Variants in CAMK1D observed in about 807,000 individuals in gnomAD.
CAMK1D encodes the protein calcium/calmodulin-dependent protein kinase type 1D.
In CAMK1D, 9 loss-of-function variants were observed where a neutral mutation model predicts 47.7. That is an observed-to-expected ratio of 0.19 (90% CI 0.11 to 0.33). CAMK1D has a LOEUF of 0.33. Among genes scored for constraint, CAMK1D ranks in the 10% least tolerant of loss-of-function variants. The pLI is 1.00. For synonymous variants in CAMK1D, 184 were observed against 184.9 expected, an observed-to-expected ratio of 0.99 and a Z score of 0.04; for missense variants, 291 against 488.7, an observed-to-expected ratio of 0.60 and a Z score of 3.81.
At chr10:12,685,179 T>C (rs551093767) in intron 3 of CAMK1D, among the ~76,000 whole-genome samples, 1 of 152,270 alleles carries the variant, frequency 6.6e-6, no homozygotes, top group African/African-American at 2.4e-5. Context: ...TGCATGCCTG[T>C]AGTCCCAGCT....
chr10:12,429,304 A>G (rs1385831982), intron 1 of CAMK1D, among the ~76,000 whole-genome samples: 1 of 151,940 alleles, frequency 6.6e-6, no homozygotes, highest in East Asian at 1.9e-4. Flanking sequence ...CCTGACCACC[A>G]AATGTCCCAT....
At chr10:12,470,063 G>T (rs1588521479) in intron 1 of CAMK1D, among the ~76,000 whole-genome samples, 1 of 152,144 alleles carries the variant, frequency 6.6e-6, no homozygotes. Context: ...ATGTTCATTT[G>T]TTAATAAACA....
At chr10:12,699,334 G>C (rs1422506504) in intron 3 of CAMK1D, among the ~76,000 whole-genome samples, 1 of 152,048 alleles carries the variant, frequency 6.6e-6, no homozygotes, top group East Asian at 1.9e-4. Context: ...TCTACTTCTT[G>C]GTAGCCATTG....
intron 6 of CAMK1D, among the ~76,000 whole-genome samples, chr10:12,804,804 G>A (rs112438711): frequency 6.7e-6 from 1 of 150,348 alleles, no homozygotes; most frequent in Non-Finnish European, 1.5e-5. Flanking sequence ...CCAGTATGGT[G>A]GTGCACGCCT....
chr10:12,564,053 G>C (rs11257892), intron 2 of CAMK1D, among the ~76,000 whole-genome samples: 135,735 of 151,880 alleles, frequency 0.89, 61,006 homozygotes, highest in Non-Finnish European at 0.95. Context: ...TAAATGATTT[G>C]AAGAGCAGTC....
At chr10:12,615,379 AGTT>A (rs1485852123) in intron 2 of CAMK1D, among the ~76,000 whole-genome samples, 2 of 152,220 alleles carry the variant, frequency 1.3e-5, no homozygotes, top group African/African-American at 2.4e-5. Context: ...TCTGGAAGGA[AGTT>A]GTTCAAATTC....
chr10:12,586,807 C>G (rs1305240791), intron 2 of CAMK1D, among the ~76,000 whole-genome samples: 1 of 152,220 alleles, frequency 6.6e-6, no homozygotes, highest in Non-Finnish European at 1.5e-5. Flanking sequence ...AAAGAGCAGT[C>G]TTTTAAGTAA....
chr10:12,584,263 G>C (rs889340320), intron 2 of CAMK1D, among the ~76,000 whole-genome samples: 2 of 152,198 alleles, frequency 1.3e-5, no homozygotes, highest in African/African-American at 2.4e-5. Flanking sequence ...TAAGTAAAAT[G>C]TGATTCTCCA....
intron 2 of CAMK1D, among the ~76,000 whole-genome samples, chr10:12,655,199 C>T (rs1424210545): frequency 1.3e-5 from 2 of 152,106 alleles, no homozygotes; most frequent in Non-Finnish European, 2.9e-5. Flanking sequence ...GAAACTTACA[C>T]TCATGATGGA....
intron 1 of CAMK1D, among the ~76,000 whole-genome samples, chr10:12,505,557 T>A (rs544046962): frequency 6.6e-6 from 1 of 152,114 alleles, no homozygotes; most frequent in East Asian, 1.9e-4. Flanking sequence ...GGCTCCTTGC[T>A]TGGTCTACAC....
chr10:12,764,630 G>T (rs1836665681), intron 4 of CAMK1D, among the ~76,000 whole-genome samples: 1 of 152,098 alleles, frequency 6.6e-6, no homozygotes, highest in South Asian at 2.1e-4. Context: ...AGAAACAACA[G>T]CATTGTCCTC....
At chr10:12,523,167 C>T (rs918783413) in intron 1 of CAMK1D, among the ~76,000 whole-genome samples, 8 of 150,848 alleles carry the variant, frequency 5.3e-5, no homozygotes, top group East Asian at 2.0e-4. Context: ...TGGGCAGAGG[C>T]GCTCCTCACA....
In CAMK1D at chr10:12,548,948, T is replaced by C. The variant is rs537575827; in HGVS notation, c.93-4277T>C. ...TCAGCTCACTGCAACCTCCGCCTCC[T>C]GGGCTCAAACGATTCTCCCACCTCA... On this transcript the variant is annotated intron_variant, in intron 1 of 10. Coordinates refer to ENST00000619168, the MANE Select transcript of CAMK1D (RefSeq NM_153498.4). Among the ~76,000 whole-genome samples the C allele has an allele frequency of 4.6e-5, 7 of 152,332 alleles. No individual in the cohort carries two copies. The South Asian group carries it at 1.5e-3, about 32-fold the overall frequency.
At position 12,776,610 on chromosome 10, in the gene CAMK1D, TAAAGA is replaced by T. The variant is rs201919765; in HGVS notation, c.565+6812_565+6816del. ...CCTTTTCAGAATGTGTGTTTCTGTT[TAAAGA>T]CACCTTATTGAATATATGTTATTGA... On this transcript the variant is annotated intron_variant, in intron 5 of 10. Coordinates refer to ENST00000619168, the MANE Select transcript of CAMK1D (RefSeq NM_153498.4). Among the ~76,000 whole-genome samples the T allele has an allele frequency of 8.1e-3, 1,241 of 152,330 alleles. 26 individuals carry two copies. Among genetic ancestry groups the T allele is most frequent in the African/African-American group, 0.028 (1,161 of 41,572 alleles).
intron 3 of CAMK1D, among the ~76,000 whole-genome samples, chr10:12,687,003 T>C (rs1388035264): frequency 1.3e-5 from 2 of 151,882 alleles, no homozygotes; most frequent in Non-Finnish European, 2.9e-5. Context: ...CAGTTATCAA[T>C]ATGACAAAAA....
intron 2 of CAMK1D, among the ~76,000 whole-genome samples, chr10:12,588,856 A>G (rs1241559454): frequency 4.3e-5 from 5 of 116,876 alleles, no homozygotes; most frequent in African/African-American, 7.4e-5. Context: ...ATATACATGT[A>G]TATGTATATA....
intron 1 of CAMK1D, among the ~76,000 whole-genome samples, chr10:12,361,024 T>C (rs1837642184): frequency 6.6e-6 from 1 of 152,168 alleles, no homozygotes; most frequent in African/African-American, 2.4e-5. Flanking sequence ...AACAACAAGC[T>C]TTCAATGATC....
At chr10:12,566,317 C>T (rs1183955815) in intron 2 of CAMK1D, among the ~76,000 whole-genome samples, 1 of 152,084 alleles carries the variant, frequency 6.6e-6, no homozygotes, top group Non-Finnish European at 1.5e-5. Flanking sequence ...CTAAGGGAGC[C>T]CTTCTTGAAA....
At chr10:12,794,794 G>A (rs1838125240) in intron 6 of CAMK1D, among the ~76,000 whole-genome samples, 1 of 152,146 alleles carries the variant, frequency 6.6e-6, no homozygotes, top group African/African-American at 2.4e-5. Flanking sequence ...TCTGTAAGAT[G>A]TTCAGACTCC....
Sources: allele counts gnomAD v4.1 joint callset (sites outside exome capture counted in the v4.1 genomes callset), GRCh38; gene constraint gnomAD v4.1.1; transcripts MANE v1.5; gene names NCBI Gene and HGNC (gene_info 2026-07-23, HGNC 2026-07-21).